The following MIPOL1 variants were observed in gnomAD, a reference collection of about 807,000 sequenced individuals.
MIPOL1 encodes mirror-image polydactyly gene 1 protein.
In MIPOL1, 57 loss-of-function variants were observed where a neutral mutation model predicts 60.9. The observed-to-expected ratio is 0.94, with a 90% CI of 0.76 to 1.17. MIPOL1 has a LOEUF of 1.17. Ranked by LOEUF, MIPOL1 falls within the 50% of genes most tolerant of loss-of-function variation. MIPOL1 has a pLI of 0.00. For synonymous variants in MIPOL1, 179 were observed against 168.8 expected (o/e 1.06, Z -0.47); for missense variants, 551 against 511.6 (o/e 1.08, Z -0.74).
At chr14:37,201,400 A>G (rs1018058006) in intron 1 of MIPOL1, among the ~76,000 whole-genome samples, 38 of 152,236 alleles carry the variant, frequency 2.5e-4, no homozygotes, top group Admixed American at 1.3e-4. Flanking sequence ...GAAGTGAGAA[A>G]AGAAAGAAGA....
chr14:37,539,063 G>A (rs1217711611), intron 12 of MIPOL1, among the ~76,000 whole-genome samples: 2 of 152,084 alleles, frequency 1.3e-5, no homozygotes, highest in Non-Finnish European at 2.9e-5. Context: ...TTAGCCGGGT[G>A]TGGTGGTGGG....
chr14:37,449,879 C>CT (rs2094392725), intron 11 of MIPOL1, among the ~76,000 whole-genome samples: 1 of 152,050 alleles, frequency 6.6e-6, no homozygotes, highest in South Asian at 2.1e-4. Flanking sequence ...GTGGTACTGT[C>CT]TCAGCTCACT....
intron 11 of MIPOL1, among the ~76,000 whole-genome samples, chr14:37,451,907 C>T (rs1195877965): frequency 1.4e-5 from 2 of 146,488 alleles, no homozygotes; most frequent in Non-Finnish European, 3.0e-5. Flanking sequence ...CTCCGCCTCC[C>T]GGGTTCACGC....
chr14:37,544,909 A>G (rs2095541944), intron 12 of MIPOL1, among the ~76,000 whole-genome samples: 1 of 152,204 alleles, frequency 6.6e-6, no homozygotes, highest in Non-Finnish European at 1.5e-5. Flanking sequence ...AATGTAGAAA[A>G]AGGAAACAAA....
intron 12 of MIPOL1, chr14:37,506,154 A>G (rs2095274092): frequency 6.6e-6 from 1 of 152,224 alleles, no homozygotes; most frequent in Non-Finnish European, 1.5e-5. Flanking sequence ...AATAATCAAT[A>G]TCGTGAAAAT....
At chr14:37,226,489 G>T (rs1969762622) in intron 1 of MIPOL1, among the ~76,000 whole-genome samples, 1 of 152,194 alleles carries the variant, frequency 6.6e-6, no homozygotes, top group Non-Finnish European at 1.5e-5. Flanking sequence ...CCCCCTTATA[G>T]AACCATCAGA....
chr14:37,235,723 C>T (rs1168724039), intron 1 of MIPOL1, among the ~76,000 whole-genome samples: 1 of 152,038 alleles, frequency 6.6e-6, no homozygotes, highest in Non-Finnish European at 1.5e-5. Context: ...AAACTCTGTA[C>T]CCATTAAGCA....
chr14:37,411,913 T>A (rs1595661764), intron 10 of MIPOL1, among the ~76,000 whole-genome samples: 1 of 152,248 alleles, frequency 6.6e-6, no homozygotes, highest in South Asian at 2.1e-4. Context: ...TTGTGCCTCT[T>A]ATATAGCTTA....
chr14:37,312,836 C>T lies in MIPOL1; in HGVS notation c.828+4317C>T, dbSNP rs554854486. Among the ~76,000 whole-genome samples the T allele has an allele frequency of 6.6e-5, 10 of 152,116 alleles. No homozygotes were observed. In the South Asian group the frequency reaches 1.5e-3, roughly 22 times the overall value. The stretch of plus-strand genomic sequence containing the variant: ...CCAATTCACACTTTCCTATTTTATT[C>T]GAATTGTAGAAATATCTGGAATCAG... On this transcript the variant is annotated intron_variant, in intron 9 of 12. Coordinates refer to ENST00000684589, the MANE Select transcript of MIPOL1 (RefSeq NM_001388067.1).
chr14:37,241,146 C>G (rs1972292929), intron 1 of MIPOL1, among the ~76,000 whole-genome samples: 1 of 151,988 alleles, frequency 6.6e-6, no homozygotes. Flanking sequence ...AGCTTGAGCC[C>G]CAAAAGAGTG....
chr14:37,423,667 A>T (rs927267410), intron 11 of MIPOL1: 1 of 152,100 alleles, frequency 6.6e-6, no homozygotes, highest in African/African-American at 2.4e-5. Flanking sequence ...AGTTTAAAAA[A>T]TCCTCAAGTC....
At position 37,470,765 on chromosome 14, in the gene MIPOL1, A is replaced by G. The variant is rs1411775928; in HGVS notation, c.1032-29143A>G. Among the ~76,000 whole-genome samples the G allele has an allele frequency of 3.9e-5, 6 of 152,174 alleles. No homozygotes were observed. In the East Asian group the frequency reaches 1.2e-3, roughly 29 times the overall value. On this transcript the variant is annotated intron_variant, in intron 11 of 12. Coordinates refer to ENST00000684589, the MANE Select transcript of MIPOL1 (RefSeq NM_001388067.1). ...CAAGTTAAAGGTTGAGTAGAGGACG[A>G]GAAGCCCCCAAAGAAGACTGAAGAG...
chr14:37,474,306 C>T (rs1487533287), intron 11 of MIPOL1, among the ~76,000 whole-genome samples: 1 of 152,096 alleles, frequency 6.6e-6, no homozygotes, highest in African/African-American at 2.4e-5. Context: ...CATATGGTGA[C>T]ATTCTTTGGC....
At chr14:37,258,053 T>C (rs968698974) in intron 3 of MIPOL1, among the ~76,000 whole-genome samples, 6 of 152,144 alleles carry the variant, frequency 3.9e-5, no homozygotes, top group Non-Finnish European at 5.9e-5. Flanking sequence ...ATTTGTGTGA[T>C]CAAGACTTAC....
intron 12 of MIPOL1, among the ~76,000 whole-genome samples, chr14:37,532,173 A>C (rs1566784523): frequency 6.6e-6 from 1 of 152,350 alleles, no homozygotes; most frequent in East Asian, 1.9e-4. Context: ...CAGTACAAAT[A>C]TACTGTAAGT....
chr14:37,537,390 T>C (rs944610206), intron 12 of MIPOL1, among the ~76,000 whole-genome samples: 6 of 152,260 alleles, frequency 3.9e-5, no homozygotes, highest in African/African-American at 1.4e-4. Context: ...TCTACATCCC[T>C]GCTAGTGTCA....
intron 10 of MIPOL1, among the ~76,000 whole-genome samples, chr14:37,415,362 C>T (rs1323660610): frequency 6.6e-6 from 1 of 151,958 alleles, no homozygotes; most frequent in Non-Finnish European, 1.5e-5. Context: ...GTGGCTCACG[C>T]CTATAATCCC....
At chr14:37,474,494 A>G (rs1302693539) in intron 11 of MIPOL1, among the ~76,000 whole-genome samples, 3 of 152,194 alleles carry the variant, frequency 2.0e-5, no homozygotes, top group East Asian at 3.9e-4. Context: ...CAGTTCCCCT[A>G]CATAGTCTCT....
At chr14:37,459,182 A>G (rs1566642531) in intron 11 of MIPOL1, among the ~76,000 whole-genome samples, 1 of 152,094 alleles carries the variant, frequency 6.6e-6, no homozygotes, top group Non-Finnish European at 1.5e-5. Context: ...GCAGAACTAA[A>G]TGACACTGAG....
Sources: allele counts gnomAD v4.1 joint callset (sites outside exome capture counted in the v4.1 genomes callset), GRCh38; gene constraint gnomAD v4.1.1; transcripts MANE v1.5; gene names NCBI Gene and HGNC (gene_info 2026-07-23, HGNC 2026-07-21).